Variants in GATM observed in about 807,000 individuals in gnomAD.
The protein encoded by GATM is glycine amidinotransferase, mitochondrial.
A neutral mutation model predicts 54.2 loss-of-function variants in GATM; 23 were observed. The observed-to-expected ratio is 0.42, with a 90% CI of 0.31 to 0.60. The LOEUF (loss-of-function observed/expected upper bound fraction) is 0.60. Among genes scored for constraint, GATM ranks in the 20% least tolerant of loss-of-function variants. The pLI is 0.14. For missense variants in GATM, 401 were observed against 544.9 expected (o/e 0.74, Z 2.63); for synonymous variants, 168 against 183.1 (o/e 0.92, Z 0.67).
intron 4 of GATM, 139 bp downstream of exon 4, chr15:45,367,931 A>G: frequency 1.5e-6 from 1 of 688,772 alleles, no homozygotes; most frequent in Non-Finnish European, 2.5e-6. Context: ...ATCATAAAAT[A>G]ATCACTTTTT....
At chr15:45,364,888 C>A in intron 6 of GATM, 28 bp from the exon 7 acceptor site, 2 of 1,592,320 alleles carry the variant, frequency 1.3e-6, no homozygotes, top group Non-Finnish European at 1.7e-6. Flanking sequence ...ACCCCCAAAA[C>A]CGTTAAATCT....
intron 4 of GATM, among the ~76,000 whole-genome samples, chr15:45,367,670 T>C (rs898196056): frequency 3.3e-5 from 5 of 152,236 alleles, no homozygotes; most frequent in Non-Finnish European, 2.9e-5. Context: ...TCAGGTTCTT[T>C]TTCTAGAAGA....
intron 2 of GATM, among the ~76,000 whole-genome samples, chr15:45,370,737 T>C (rs370289018): frequency 9.2e-5 from 14 of 152,232 alleles, no homozygotes; most frequent in African/African-American, 3.4e-4. Flanking sequence ...TATTGTTGAA[T>C]AGGGTAGGTG....
At chr15:45,395,093 T>TGATCTTC (rs1889913550) in intron 3 of GATM, among the ~76,000 whole-genome samples, 1 of 152,200 alleles carries the variant, frequency 6.6e-6, no homozygotes, top group Admixed American at 6.5e-5. Flanking sequence ...CATCCCATTT[T>TGATCTTC]TTGGATGGGG....
chr15:45,379,945 C>T (rs1446582974), upstream of GATM: 2 of 151,710 alleles, frequency 1.3e-5, no homozygotes, highest in East Asian at 3.9e-4. Flanking sequence ...CATGGTGAAA[C>T]CCCGTCTCTA....
upstream of GATM, chr15:45,378,714 T>A: frequency 2.7e-6 from 1 of 376,926 alleles, no homozygotes; most frequent in Admixed American, 4.9e-5. Context: ...CTTGCCCTTT[T>A]TTAGCCAGCG....
chr15:45,390,962 T>C (rs1172211345), intron 3 of GATM, among the ~76,000 whole-genome samples: 1 of 152,216 alleles, frequency 6.6e-6, no homozygotes, highest in Non-Finnish European at 1.5e-5. Flanking sequence ...AGATCACTGC[T>C]TGACCATTAA....
chr15:45,376,907 G>T, intron 1 of GATM, 88 bp from the exon 2 acceptor site: 3 of 1,206,414 alleles, frequency 2.5e-6, no homozygotes, highest in African/African-American at 1.5e-5. Flanking sequence ...TAAAAATCCA[G>T]CATAACATTG....
At chr15:45,387,844 C>T (rs903353200) in intron 3 of GATM, among the ~76,000 whole-genome samples, 6 of 152,174 alleles carry the variant, frequency 3.9e-5, no homozygotes, top group Admixed American at 3.9e-4. Context: ...AAATTCACCA[C>T]ACTCTGCTGA....
At chr15:45,388,511 A>G (rs1889832839) in intron 3 of GATM, among the ~76,000 whole-genome samples, 1 of 152,088 alleles carries the variant, frequency 6.6e-6, no homozygotes, top group Non-Finnish European at 1.5e-5. Flanking sequence ...ACCACACTAT[A>G]TTTCGTTGTA....
chr15:45,363,291 T>A (rs1889396916), intron 8 of GATM, among the ~76,000 whole-genome samples: 1 of 152,142 alleles, frequency 6.6e-6, no homozygotes, highest in Non-Finnish European at 1.5e-5. Context: ...CACCCCTTTA[T>A]AATAGCTCAT....
At chr15:45,376,410 AG>A (rs1889635469) in intron 2 of GATM, among the ~76,000 whole-genome samples, 190 bp downstream of exon 2, 2 of 36,594 alleles carry the variant, frequency 5.5e-5, no homozygotes, top group African/African-American at 1.7e-3. Flanking sequence ...GAAGAGCTTC[AG>A]GAAGCTCTTC....
At chr15:45,365,826 T>C (rs1471044989) in intron 6 of GATM, among the ~76,000 whole-genome samples, 1 of 152,254 alleles carries the variant, frequency 6.6e-6, no homozygotes, top group Non-Finnish European at 1.5e-5. Context: ...CAAAGTCTGA[T>C]GATCCCATAC....
At chr15:45,383,356 T>C (rs576793266), upstream of GATM, among the ~76,000 whole-genome samples, 130 of 152,370 alleles carry the variant, frequency 8.5e-4, no homozygotes, top group African/African-American at 2.9e-3. Context: ...TCCAGCTAAA[T>C]TAAATGCCAG....
intron 4 of GATM, among the ~76,000 whole-genome samples, chr15:45,367,045 A>G (rs1241349060): frequency 6.6e-6 from 1 of 152,142 alleles, no homozygotes; most frequent in Non-Finnish European, 1.5e-5. Context: ...ATGTACTTAG[A>G]AAAAAATGGT....
intron 3 of GATM, among the ~76,000 whole-genome samples, chr15:45,395,583 T>C (rs1889918524): frequency 6.6e-6 from 1 of 152,106 alleles, no homozygotes; most frequent in African/African-American, 2.4e-5. Flanking sequence ...TGTCTAGCAA[T>C]GCAAACAGAA....
intron 8 of GATM, chr15:45,363,656 T>C (rs1889401548): frequency 1.8e-6 from 1 of 570,618 alleles, no homozygotes; most frequent in East Asian, 2.9e-5. Context: ...GGCTAAGTCA[T>C]ATAAGATTTA....
Position 45,361,997 on chromosome 15 carries a change from G to T in GATM, c.*112C>A. ...CCAGGCTTACGACCCCTGTTAAGGAGATGATTGTTTAAAGCACTACAGTTC... is the reference window on the plus strand; with the variant it reads ...CCAGGCTTACGACCCCTGTTAAGGATATGATTGTTTAAAGCACTACAGTTC... On this transcript the variant is annotated 3_prime_UTR_variant, in exon 9 of 9. Coordinates refer to ENST00000396659, the MANE Select transcript of GATM (RefSeq NM_001482.3). 2.7e-6 allele frequency: 2 copies of T among 731,914 alleles called. No homozygotes were observed. The highest frequency in any genetic ancestry group is 2.9e-5 in the South Asian group (2 of 68,990). 45.3% of individuals were successfully genotyped at this position (731,914 alleles called of 1,614,324 possible).
At chr15:45,390,770 T>C (rs1566845979) in intron 3 of GATM, among the ~76,000 whole-genome samples, 1 of 152,206 alleles carries the variant, frequency 6.6e-6, no homozygotes, top group Non-Finnish European at 1.5e-5. Context: ...ATGAAGTATA[T>C]GATTCCTGAG....
Sources: gnomAD v4.1 joint callset for allele counts (sites outside exome capture counted in the v4.1 genomes callset) on GRCh38, gnomAD v4.1.1 for gene constraint, MANE v1.5 for transcripts, NCBI Gene and HGNC (gene_info 2026-07-23, HGNC 2026-07-21) for gene names.